Variants in DOCK3 observed in about 807,000 individuals in gnomAD.
DOCK3 encodes the protein dedicator of cytokinesis 3.
In DOCK3, 60 loss-of-function variants were observed where a neutral mutation model predicts 265.6. The observed-to-expected ratio is 0.23, with a 90% CI of 0.18 to 0.28. The LOEUF (loss-of-function observed/expected upper bound fraction) is 0.28, where lower values mean the gene tolerates loss of function less well. Ranked by LOEUF, DOCK3 falls within the 10% of genes least tolerant of loss-of-function variation. The pLI is 1.00. For missense variants in DOCK3, 1,981 were observed against 2,594.3 expected, an observed-to-expected ratio of 0.76 and a Z score of 5.14; for synonymous variants, 881 against 938.0, an observed-to-expected ratio of 0.94 and a Z score of 1.11.
chr3:50,686,443 T>C (rs1017776883), intron 1 of DOCK3, among the ~76,000 whole-genome samples: 3 of 152,222 alleles, frequency 2.0e-5, no homozygotes, highest in Non-Finnish European at 4.4e-5. Flanking sequence ...GATCCTCTTC[T>C]AGCATGCACA....
chr3:51,231,796 A>G (rs376337781), intron 19 of DOCK3, among the ~76,000 whole-genome samples: 8 of 152,256 alleles, frequency 5.3e-5, no homozygotes, highest in East Asian at 1.9e-4. Flanking sequence ...TTTTGTTGCA[A>G]TTGCTTTTGA....
chr3:50,930,745 G>A (rs2051019871), intron 4 of DOCK3, among the ~76,000 whole-genome samples: 3 of 152,214 alleles, frequency 2.0e-5, no homozygotes, highest in African/African-American at 7.2e-5. Flanking sequence ...GACCCTTATG[G>A]GGCAGACCCT....
intron 23 of DOCK3, among the ~76,000 whole-genome samples, chr3:51,261,616 T>G (rs2079851422): frequency 6.6e-6 from 1 of 152,128 alleles, no homozygotes; most frequent in Non-Finnish European, 1.5e-5. Flanking sequence ...GCGGTCTAGT[T>G]CAGTGAATCC....
chr3:50,889,973 A>G, intron 3 of DOCK3, 53 bp from the exon 4 acceptor site: 1 of 1,315,444 alleles, frequency 7.6e-7, no homozygotes, highest in Non-Finnish European at 9.8e-7. Context: ...GTATATATGA[A>G]ATGTTAATCA....
At chr3:50,888,801 T>C (rs902615086) in intron 3 of DOCK3, among the ~76,000 whole-genome samples, 1 of 152,188 alleles carries the variant, frequency 6.6e-6, no homozygotes, top group African/African-American at 2.4e-5. Flanking sequence ...GAAAACTGGC[T>C]AGCCATATGT....
intron 5 of DOCK3, among the ~76,000 whole-genome samples, chr3:51,041,995 C>T (rs553500718): frequency 1.3e-5 from 2 of 152,218 alleles, no homozygotes; most frequent in South Asian, 4.2e-4. Flanking sequence ...TGAATTCTAC[C>T]ATATATACAA....
chr3:50,978,715 T>C (rs1482783355), intron 5 of DOCK3, among the ~76,000 whole-genome samples: 2 of 152,220 alleles, frequency 1.3e-5, no homozygotes, highest in Admixed American at 6.5e-5. Context: ...TAAGCAAGCC[T>C]GGGCAATGGC....
chr3:51,169,899 G>A (rs900783796), intron 12 of DOCK3, among the ~76,000 whole-genome samples: 2 of 152,058 alleles, frequency 1.3e-5, no homozygotes, highest in African/African-American at 4.8e-5. Context: ...TGTGTTATTG[G>A]ATGTGGTTTG....
chr3:51,023,433 T>G (rs2079681204), intron 5 of DOCK3, among the ~76,000 whole-genome samples: 1 of 152,194 alleles, frequency 6.6e-6, no homozygotes, highest in African/African-American at 2.4e-5. Context: ...CTTGTTGTTT[T>G]TTGAGACAGA....
chr3:50,916,013 C>A (rs1369651634), intron 4 of DOCK3, among the ~76,000 whole-genome samples: 1 of 151,998 alleles, frequency 6.6e-6, no homozygotes, highest in Admixed American at 6.5e-5. Flanking sequence ...AATGCCATGT[C>A]TGCTCGCCCC....
intron 4 of DOCK3, among the ~76,000 whole-genome samples, chr3:50,933,067 C>G (rs559361892): frequency 7.2e-4 from 110 of 152,248 alleles, no homozygotes; most frequent in African/African-American, 2.6e-3. Context: ...AAAAAGCCAT[C>G]AGATCTTGTG....
chr3:51,145,203 AT>A (rs1228694659), intron 9 of DOCK3, among the ~76,000 whole-genome samples: 2 of 151,628 alleles, frequency 1.3e-5, no homozygotes, highest in South Asian at 2.1e-4. Flanking sequence ...TTGCTGTAAC[AT>A]TTTTTTTCTG....
At chr3:51,269,094 A>ACTCTCT (rs113113347) in intron 23 of DOCK3, among the ~76,000 whole-genome samples, 29 of 141,206 alleles carry the variant, frequency 2.1e-4, no homozygotes, top group Admixed American at 5.1e-4. Flanking sequence ...GAGTTTCACA[A>ACTCTCT]CTCTCTCTCT....
intron 2 of DOCK3, among the ~76,000 whole-genome samples, chr3:50,803,325 G>C (rs1029267240): frequency 6.6e-6 from 1 of 152,064 alleles, no homozygotes; most frequent in South Asian, 2.1e-4. Flanking sequence ...GCACATCTTG[G>C]ACCGCCCTTA....
chr3:50,913,252 G>T (rs2049953585), intron 4 of DOCK3, among the ~76,000 whole-genome samples: 2 of 152,022 alleles, frequency 1.3e-5, no homozygotes, highest in African/African-American at 2.4e-5. Flanking sequence ...AGGTTAGTAA[G>T]GTCTGAGAGT....
At chr3:51,368,573 G>A (rs1313784114) in intron 49 of DOCK3, among the ~76,000 whole-genome samples, 2 of 152,198 alleles carry the variant, frequency 1.3e-5, no homozygotes, top group Non-Finnish European at 2.9e-5. Flanking sequence ...GAACTGGGTG[G>A]AGCCCACTGC....
At chr3:50,887,113 T>C (rs550158556) in intron 3 of DOCK3, among the ~76,000 whole-genome samples, 2 of 152,062 alleles carry the variant, frequency 1.3e-5, no homozygotes, top group South Asian at 4.2e-4. Flanking sequence ...GATAGACTGC[T>C]AGCAAGACTA....
intron 1 of DOCK3, among the ~76,000 whole-genome samples, chr3:50,760,700 T>A (rs985961345): frequency 1.3e-5 from 2 of 152,204 alleles, no homozygotes; most frequent in Admixed American, 6.5e-5. Flanking sequence ...ACCACGTTGT[T>A]AGTCGAGGAG....
chr3:51,123,852 A>G (rs2084146845), intron 9 of DOCK3, among the ~76,000 whole-genome samples: 1 of 152,188 alleles, frequency 6.6e-6, no homozygotes, highest in African/African-American at 2.4e-5. Flanking sequence ...GAACACTCTG[A>G]AAACCAAATA....
Sources: allele counts gnomAD v4.1 joint callset (sites outside exome capture counted in the v4.1 genomes callset), GRCh38; gene constraint gnomAD v4.1.1; transcripts MANE v1.5; gene names NCBI Gene and HGNC (gene_info 2026-07-23, HGNC 2026-07-21).